HS6ST3: variants seen among roughly 807,000 people sequenced by gnomAD.
The protein encoded by HS6ST3 is heparan-sulfate 6-O-sulfotransferase 3.
HS6ST3 carries 12 observed loss-of-function variants against 36.7 expected under a neutral mutation model. The ratio of observed to expected loss-of-function variants is 0.33; its 90% confidence interval spans 0.21 to 0.53. HS6ST3 has a LOEUF of 0.53. HS6ST3 is among the 20% of genes least tolerant of loss of function. HS6ST3 has a pLI of 0.95. For missense variants in HS6ST3, 584 were observed against 640.9 expected, an observed-to-expected ratio of 0.91 and a Z score of 0.96; for synonymous variants, 240 against 257.5, an observed-to-expected ratio of 0.93 and a Z score of 0.65.
chr13:96,129,021 A>T (rs1385588031), intron 1 of HS6ST3, among the ~76,000 whole-genome samples: 3 of 151,834 alleles, frequency 2.0e-5, no homozygotes, highest in Non-Finnish European at 4.4e-5. Flanking sequence ...AATTTTTTGT[A>T]TTTTTATTAG....
At chr13:96,615,799 A>G (rs2056472411) in intron 1 of HS6ST3, among the ~76,000 whole-genome samples, 1 of 152,190 alleles carries the variant, frequency 6.6e-6, no homozygotes, top group Non-Finnish European at 1.5e-5. Context: ...ATCTCTTCTT[A>G]TGGAATGTAC....
intron 1 of HS6ST3, among the ~76,000 whole-genome samples, chr13:96,289,585 G>T (rs1265440832): frequency 2.0e-5 from 3 of 152,086 alleles, no homozygotes; most frequent in Admixed American, 6.6e-5. Context: ...GAGAGTAAAA[G>T]ATCTAAATTA....
At chr13:96,656,998 T>TGTGTGTGAGAGA (rs1397374817) in intron 1 of HS6ST3, among the ~76,000 whole-genome samples, 2 of 98,340 alleles carry the variant, frequency 2.0e-5, no homozygotes, top group African/African-American at 8.6e-5. Flanking sequence ...TGTGTGTGTG[T>TGTGTGTGAGAGA]GAGAGAGAGA....
chr13:96,836,559 G>A lies in HS6ST3; in HGVS notation c.*3361G>A, dbSNP rs761104877. The A allele has an allele frequency of 6.6e-6, 1 of 152,126 alleles. No homozygotes were observed. The highest frequency in any genetic ancestry group is 1.5e-5 in the Non-Finnish European group (1 of 68,028). 9.4% of individuals were successfully genotyped at this position (152,126 alleles called of 1,614,324 possible). ...AAGATGTGTTTCTTCTCATCTAAAG[G>A]AGGTAACTTTGTGATAATTAGTTTG... On this transcript the variant is annotated 3_prime_UTR_variant, in exon 2 of 2. Transcript: ENST00000376705.
chr13:96,804,123 A>G (rs527826921), intron 1 of HS6ST3, among the ~76,000 whole-genome samples: 2 of 151,056 alleles, frequency 1.3e-5, no homozygotes, highest in Admixed American at 6.6e-5. Context: ...AGCATTCTAC[A>G]TGGGGTTTTC....
chr13:96,799,996 A>ATATATATATATATG (rs1566456881), intron 1 of HS6ST3, among the ~76,000 whole-genome samples: 1 of 77,216 alleles, frequency 1.3e-5, no homozygotes, highest in African/African-American at 8.9e-5. Flanking sequence ...ATATATATAT[A>ATATATATATATATG]TGTATATATA....
intron 1 of HS6ST3, among the ~76,000 whole-genome samples, chr13:96,223,824 G>C (rs16951729): frequency 0.052 from 7,976 of 152,084 alleles, 368 homozygotes; most frequent in African/African-American, 0.13. Flanking sequence ...TAACATAAAA[G>C]GTCAACAATG....
chr13:96,369,751 GT>G (rs1390062529), intron 1 of HS6ST3, among the ~76,000 whole-genome samples: 1 of 152,094 alleles, frequency 6.6e-6, no homozygotes, highest in Non-Finnish European at 1.5e-5. Context: ...AGCAGGGTGG[GT>G]TTTTTCCCCC....
chr13:96,688,437 G>C (rs1162348638), intron 1 of HS6ST3, among the ~76,000 whole-genome samples: 1 of 151,912 alleles, frequency 6.6e-6, no homozygotes, highest in Non-Finnish European at 1.5e-5. Context: ...GGCAGGATTG[G>C]TTTAGTCTGG....
intron 1 of HS6ST3, among the ~76,000 whole-genome samples, chr13:96,480,230 C>A (rs558860979): frequency 2.2e-4 from 33 of 152,302 alleles, no homozygotes; most frequent in African/African-American, 7.9e-4. Flanking sequence ...TCTTCTGCCT[C>A]AGCCTCCCGA....
chr13:96,203,598 GT>G (rs2054354155), intron 1 of HS6ST3, among the ~76,000 whole-genome samples: 1 of 152,122 alleles, frequency 6.6e-6, no homozygotes, highest in Non-Finnish European at 1.5e-5. Flanking sequence ...AACATTTCCA[GT>G]TTAGAGCCTC....
chr13:96,641,913 G>T (rs1263017069), intron 1 of HS6ST3, among the ~76,000 whole-genome samples: 1 of 151,704 alleles, frequency 6.6e-6, no homozygotes, highest in African/African-American at 2.4e-5. Context: ...AGGAGACAAA[G>T]GGATTAGCAA....
At chr13:96,458,880 G>A (rs1015194226) in intron 1 of HS6ST3, among the ~76,000 whole-genome samples, 4 of 151,876 alleles carry the variant, frequency 2.6e-5, no homozygotes, top group Admixed American at 6.6e-5. Context: ...TGGGGGTGTG[G>A]ATCACCTGAG....
chr13:96,647,615 A>G (rs2056593366), intron 1 of HS6ST3, among the ~76,000 whole-genome samples: 1 of 152,074 alleles, frequency 6.6e-6, no homozygotes, highest in African/African-American at 2.4e-5. Flanking sequence ...TAAGTGTTGA[A>G]GTATACAGAT....
Position 96,194,990 on chromosome 13 carries a change from G to A in HS6ST3, c.707+103421G>A, listed in dbSNP as rs376495987. 6.6e-5 allele frequency among the ~76,000 whole-genome samples: 10 copies of A among 152,170 alleles called. No individual in the cohort carries two copies. In the East Asian group the frequency reaches 1.9e-3, roughly 29 times the overall value. Reference sequence around the variant, plus strand: ...GACTTAGAGGTCATGTGCTGCTCATGGAATTAATGTGAATATTATTTTTAA... The same window carrying A: ...GACTTAGAGGTCATGTGCTGCTCATAGAATTAATGTGAATATTATTTTTAA... On this transcript the variant is annotated intron_variant, in intron 1 of 1. Coordinates refer to ENST00000376705, the MANE Select transcript of HS6ST3 (RefSeq NM_153456.4).
chr13:96,407,500 G>A (rs111448003), intron 1 of HS6ST3, among the ~76,000 whole-genome samples: 34 of 152,270 alleles, frequency 2.2e-4, no homozygotes, highest in African/African-American at 7.9e-4. Context: ...GCCTAATATT[G>A]GACACATATT....
intron 1 of HS6ST3, among the ~76,000 whole-genome samples, chr13:96,112,308 G>A (rs1351490627): frequency 6.6e-6 from 1 of 151,924 alleles, no homozygotes; most frequent in Admixed American, 6.6e-5. Flanking sequence ...AATAGTTAAA[G>A]AAAATAATAT....
At chr13:96,226,530 T>A (rs566881490) in intron 1 of HS6ST3, among the ~76,000 whole-genome samples, 1,728 of 152,148 alleles carry the variant, frequency 0.011, 31 homozygotes, top group African/African-American at 0.04. Context: ...CAAAAAATAA[T>A]AATAATAATA....
chr13:96,339,976 C>G (rs1213945403), intron 1 of HS6ST3, among the ~76,000 whole-genome samples: 2 of 152,186 alleles, frequency 1.3e-5, no homozygotes, highest in African/African-American at 2.4e-5. Context: ...AACAGAGAGT[C>G]CTGACTTTTT....
Sources: allele counts gnomAD v4.1 joint callset (sites outside exome capture counted in the v4.1 genomes callset), GRCh38; gene constraint gnomAD v4.1.1; transcripts MANE v1.5; gene names NCBI Gene and HGNC (gene_info 2026-07-23, HGNC 2026-07-21).